The following RIMKLA variants were observed in gnomAD, a reference collection of about 807,000 sequenced individuals.
RIMKLA encodes the protein N-acetylaspartylglutamate synthase A.
A neutral mutation model predicts 32.7 loss-of-function variants in RIMKLA; 14 were observed. The ratio of observed to expected loss-of-function variants is 0.43; its 90% confidence interval spans 0.28 to 0.67. RIMKLA has a LOEUF of 0.67. Among genes scored for constraint, RIMKLA ranks in the 30% least tolerant of loss-of-function variants. The probability of loss-of-function intolerance (pLI) is 0.18; values close to 1 mark genes in which losing one functional copy is unlikely to be tolerated. For synonymous variants in RIMKLA, 176 were observed against 204.1 expected (o/e 0.86, Z 1.18); for missense variants, 410 against 519.0 (o/e 0.79, Z 2.04).
At chr1:42,409,662 C>G (rs973001880) in intron 3 of RIMKLA, among the ~76,000 whole-genome samples, 3 of 152,188 alleles carry the variant, frequency 2.0e-5, no homozygotes, top group African/African-American at 7.2e-5. Flanking sequence ...ATGGGAGATG[C>G]TAATTAACTG....
chr1:42,384,556 T>C (rs112550018), intron 1 of RIMKLA, among the ~76,000 whole-genome samples: 23,522 of 139,710 alleles, frequency 0.17, 1,967 homozygotes, highest in East Asian at 0.22. Context: ...TATATGTGTG[T>C]ATATATACAT....
chr1:42,424,158 T>C lies in RIMKLA; in HGVS notation c.*9184T>C, dbSNP rs1433383558. ...AATGTCAATTTCCTCATTTTGGTGA[T>C]TGTTCTAATAAGAATACGTAAGAAT... On this transcript the variant is annotated 3_prime_UTR_variant, in exon 5 of 5. Coordinates refer to ENST00000431473, the MANE Select transcript of RIMKLA (RefSeq NM_173642.4). Among the ~76,000 whole-genome samples, 1 of 152,216 alleles carries C rather than the reference T, an allele frequency of 6.6e-6. No homozygotes were observed. The highest frequency in any genetic ancestry group is 1.5e-5 in the Non-Finnish European group (1 of 68,042).
At position 42,419,390 on chromosome 1, in the gene RIMKLA, T is replaced by A. The variant is rs1406673522; in HGVS notation, c.*4416T>A. On this transcript the variant is annotated 3_prime_UTR_variant, in exon 5 of 5. Transcript: ENST00000431473. The stretch of plus-strand genomic sequence containing the variant: ...AGGGCAACACTAAGAAAGTCGCTTA[T>A]GATCCCCATTTGAGACCATGGAATT... The A allele has an allele frequency of 6.6e-6, 1 of 152,268 alleles. No homozygotes were observed. Among genetic ancestry groups the A allele is most frequent in the African/African-American group, 2.4e-5 (1 of 41,466 alleles). 9.4% of individuals were successfully genotyped at this position (152,268 alleles called of 1,614,324 possible).
intron 4 of RIMKLA, chr1:42,412,664 A>T: frequency 1.2e-5 from 6 of 492,040 alleles, no homozygotes; most frequent in South Asian, 8.9e-5. Flanking sequence ...TGCCAACGTA[A>T]CTATGCTTTG....
intron 1 of RIMKLA, among the ~76,000 whole-genome samples, chr1:42,381,747 C>A (rs1220013047): frequency 1.3e-5 from 2 of 152,182 alleles, no homozygotes; most frequent in Non-Finnish European, 2.9e-5. Flanking sequence ...CCTCACTGAT[C>A]ACTCCACTGC....
chr1:42,392,460 A>G (rs548328129), intron 1 of RIMKLA, among the ~76,000 whole-genome samples: 1 of 152,282 alleles, frequency 6.6e-6, no homozygotes, highest in South Asian at 2.1e-4. Context: ...CCTTAAGAAG[A>G]CAGTGCTTGT....
At chr1:42,383,624 T>G (rs994805086) in intron 1 of RIMKLA, among the ~76,000 whole-genome samples, 1 of 152,248 alleles carries the variant, frequency 6.6e-6, no homozygotes, top group African/African-American at 2.4e-5. Flanking sequence ...TACAGAAATA[T>G]GTAGTTATGA....
At position 42,397,849 on chromosome 1, in the gene RIMKLA, T is replaced by G. The variant is rs78768575; in HGVS notation, c.164-1555T>G. Among the ~76,000 whole-genome samples, 1,468 of 152,346 alleles carry G rather than the reference T, an allele frequency of 9.6e-3. 27 individuals carry two copies. Among genetic ancestry groups the G allele is most frequent in the African/African-American group, 0.034 (1,414 of 41,578 alleles). On this transcript the variant is annotated intron_variant, in intron 1 of 4. Transcript: ENST00000431473. ...TCATTGCCCTACTCATGCCATATCCTGTCTGCATCATTCCATCACCAGATT... is the reference window on the plus strand; with the variant it reads ...TCATTGCCCTACTCATGCCATATCCGGTCTGCATCATTCCATCACCAGATT...
chr1:42,416,476 T>C lies in RIMKLA; in HGVS notation c.*1502T>C, dbSNP rs1643249477. On this transcript the variant is annotated 3_prime_UTR_variant, in exon 5 of 5. Coordinates refer to ENST00000431473, the MANE Select transcript of RIMKLA (RefSeq NM_173642.4). ...CCCATTTTATTTAGCAGACTTATTT[T>C]CTAATGCTCTTTAGCTGTTAAAAAA... 2 of 132,924 alleles carry C rather than the reference T, an allele frequency of 1.5e-5. No homozygotes were observed. Among genetic ancestry groups the C allele is most frequent in the African/African-American group, 2.8e-5 (1 of 35,358 alleles). The allele number at this position is 132,924 out of a possible 1,614,324, so 8.2% of individuals were successfully genotyped here.
Position 42,404,613 on chromosome 1 carries a change from C to T in RIMKLA, c.481+16C>T, listed in dbSNP as rs781347595. On this transcript the variant is annotated intron_variant, in intron 3 of 4. Coordinates refer to ENST00000431473, the MANE Select transcript of RIMKLA (RefSeq NM_173642.4). ...GGCCACCGGGGTCAGTGCCACCTCT[C>T]CAGGGCTTCCTGGGTAATCAGCCCA... 7.1e-6 allele frequency: 11 copies of T among 1,557,784 alleles called. No individual in the cohort carries two copies. Among genetic ancestry groups the T allele is most frequent in the Middle Eastern group, 1.8e-4 (1 of 5,618 alleles).
intron 3 of RIMKLA, among the ~76,000 whole-genome samples, chr1:42,408,374 G>A (rs979204509): frequency 3.9e-5 from 6 of 152,120 alleles, no homozygotes; most frequent in Non-Finnish European, 8.8e-5. Flanking sequence ...ACATGTTTTG[G>A]AATTTACTTT....
intron 1 of RIMKLA, among the ~76,000 whole-genome samples, chr1:42,382,030 T>G (rs955813133): frequency 6.6e-6 from 1 of 152,194 alleles, no homozygotes; most frequent in Non-Finnish European, 1.5e-5. Context: ...TATTAATGGT[T>G]AAATAAGCTC....
chr1:42,385,830 T>TCCTTCCTTCCTTCCTCTCTC (rs1557749857), intron 1 of RIMKLA, among the ~76,000 whole-genome samples: 1 of 74,312 alleles, frequency 1.3e-5, no homozygotes, highest in Non-Finnish European at 3.2e-5. Flanking sequence ...CTTCCTTCCT[T>TCCTTCCTTCCTTCCTCTCTC]TCTTTCTTTC....
intron 1 of RIMKLA, among the ~76,000 whole-genome samples, chr1:42,395,004 G>C (rs1189595386): frequency 6.6e-6 from 1 of 152,240 alleles, no homozygotes. Flanking sequence ...CTCCCAAGGT[G>C]CTGGGATTAC....
At chr1:42,389,844 G>A (rs549461735) in intron 1 of RIMKLA, among the ~76,000 whole-genome samples, 2 of 151,968 alleles carry the variant, frequency 1.3e-5, no homozygotes, top group African/African-American at 2.4e-5. Flanking sequence ...AGATGAAGTC[G>A]GATGAGGAAT....
At chr1:42,393,364 G>C (rs1373620105) in intron 1 of RIMKLA, among the ~76,000 whole-genome samples, 1 of 152,190 alleles carries the variant, frequency 6.6e-6, no homozygotes, top group East Asian at 1.9e-4. Context: ...ATCTTTCTCT[G>C]TGAGGAGACT....
At chr1:42,390,778 A>G (rs10890191) in intron 1 of RIMKLA, among the ~76,000 whole-genome samples, 95,061 of 152,036 alleles carry the variant, frequency 0.63, 30,234 homozygotes, top group African/African-American at 0.71. Context: ...AAGGGTGCCC[A>G]TGAGACAAGT....
At position 42,385,844 on chromosome 1, in the gene RIMKLA, C is replaced by CTCTCTT. The variant is rs1184237388; in HGVS notation, c.163+4750_163+4751insCTTTCT. On this transcript the variant is annotated intron_variant, in intron 1 of 4. Transcript: ENST00000431473. Reference sequence around the variant, plus strand: ...CCTTCCTTCCTTTCTTTCTTTCTTTCTCTTTCTTTCTTTCTTTCTTTCTTT... The same window carrying CTCTCTT: ...CCTTCCTTCCTTTCTTTCTTTCTTTCTCTCTTTCTTTCTTTCTTTCTTTCTTTCTTT... 1.4e-3 allele frequency among the ~76,000 whole-genome samples: 80 copies of CTCTCTT among 57,080 alleles called. 10 individuals carry two copies. The highest frequency in any genetic ancestry group is 0.01 in the Middle Eastern group (1 of 100). The allele number at this position is 57,080 out of a possible 152,430, so 37.4% of individuals were successfully genotyped here. A position where few individuals can be genotyped will look rare whatever the true frequency, so the allele number is the denominator to read the frequency against.
chr1:42,409,906 T>C, intron 3 of RIMKLA, 78 bp from the exon 4 acceptor site: 1 of 1,111,074 alleles, frequency 9.0e-7, no homozygotes, highest in Admixed American at 1.8e-5. Context: ...GATGACTTTA[T>C]GGACAAGGAG....
Sources: allele counts gnomAD v4.1 joint callset (sites outside exome capture counted in the v4.1 genomes callset), GRCh38; gene constraint gnomAD v4.1.1; transcripts MANE v1.5; gene names NCBI Gene and HGNC (gene_info 2026-07-23, HGNC 2026-07-21).